Variants in BANK1 observed in about 807,000 individuals in gnomAD.
The protein encoded by BANK1 is B cell scaffold protein with ankyrin repeats 1.
In BANK1, 95 loss-of-function variants were observed where a neutral mutation model predicts 94.5. That is an observed-to-expected ratio of 1.00 (90% confidence interval 0.85 to 1.19). The LOEUF (loss-of-function observed/expected upper bound fraction) is 1.19. Ranked by LOEUF, BANK1 falls within the 50% of genes most tolerant of loss-of-function variation. The pLI is 0.00. For missense variants in BANK1, 987 were observed against 932.2 expected, an observed-to-expected ratio of 1.06 and a Z score of -0.77; for synonymous variants, 334 against 308.4, an observed-to-expected ratio of 1.08 and a Z score of -0.87.
chr4:101,975,548 C>T (rs1319610863), intron 7 of BANK1, among the ~76,000 whole-genome samples: 1 of 152,186 alleles, frequency 6.6e-6, no homozygotes, highest in Admixed American at 6.6e-5. Context: ...ACAGTTCTCT[C>T]TGTGTCTGTT....
chr4:101,952,946 C>T (rs571217738), intron 7 of BANK1, among the ~76,000 whole-genome samples: 26 of 152,024 alleles, frequency 1.7e-4, no homozygotes, highest in Non-Finnish European at 2.2e-4. Flanking sequence ...TAATAACCAA[C>T]GGAAAATAAC....
chr4:101,878,019 A>G (rs1214810998), intron 5 of BANK1, among the ~76,000 whole-genome samples: 1 of 152,204 alleles, frequency 6.6e-6, no homozygotes, highest in Non-Finnish European at 1.5e-5. Flanking sequence ...ACTAAAAGGA[A>G]GAGAGACAAA....
intron 1 of BANK1, among the ~76,000 whole-genome samples, chr4:101,824,445 C>T (rs1726287731): frequency 6.6e-6 from 1 of 152,182 alleles, no homozygotes; most frequent in African/African-American, 2.4e-5. Context: ...TAGCCACTTT[C>T]CCAGAGGAGA....
At chr4:101,912,637 T>G (rs1390743990) in intron 6 of BANK1, among the ~76,000 whole-genome samples, 1 of 148,260 alleles carries the variant, frequency 6.7e-6, no homozygotes, top group Admixed American at 6.8e-5. Context: ...TTAATAAATA[T>G]ATAAATAAAT....
Position 102,010,951 on chromosome 4 carries a change from G to A in BANK1, c.1207-10563G>A, listed in dbSNP as rs182662056. 2.3e-4 allele frequency among the ~76,000 whole-genome samples: 35 copies of A among 152,252 alleles called. No individual in the cohort carries two copies. The East Asian group carries it at 6.6e-3, about 29-fold the overall frequency. ...ATGATAAGAAACTAGATAACCCAGTGTTTCAATATTATGTTTATATGTGCA... is the reference window on the plus strand; with the variant it reads ...ATGATAAGAAACTAGATAACCCAGTATTTCAATATTATGTTTATATGTGCA... On this transcript the variant is annotated intron_variant, in intron 7 of 16. Coordinates refer to ENST00000322953, the MANE Select transcript of BANK1 (RefSeq NM_017935.5).
chr4:101,920,899 T>G (rs1165586840), intron 7 of BANK1, among the ~76,000 whole-genome samples: 1 of 151,654 alleles, frequency 6.6e-6, no homozygotes, highest in Non-Finnish European at 1.5e-5. Context: ...AGTGGCACCA[T>G]GTCTTATTGT....
At chr4:101,953,506 C>T (rs1326961105) in intron 7 of BANK1, among the ~76,000 whole-genome samples, 2 of 151,718 alleles carry the variant, frequency 1.3e-5, no homozygotes, top group Non-Finnish European at 2.9e-5. Flanking sequence ...AGACTTGCAA[C>T]ACTGTATCAT....
rs375725992 is a variant in BANK1 at position 101,925,017 on chromosome 4, T to A, written c.1206+6828T>A. ...AAAATTTTTCTGAGAATAATGACCC[T>A]TTTGATAAACCTTAGAGGGCACTTT... On this transcript the variant is annotated intron_variant, in intron 7 of 16. Coordinates refer to ENST00000322953, the MANE Select transcript of BANK1 (RefSeq NM_017935.5). 7.9e-5 allele frequency among the ~76,000 whole-genome samples: 12 copies of A among 151,826 alleles called. No individual in the cohort carries two copies. The East Asian group carries it at 1.6e-3, about 20-fold the overall frequency.
intron 7 of BANK1, among the ~76,000 whole-genome samples, chr4:101,955,281 T>C (rs7672770): frequency 2.0e-5 from 3 of 152,172 alleles, no homozygotes; most frequent in African/African-American, 7.2e-5. Flanking sequence ...ACTGGTGTAC[T>C]ACACATTCAA....
intron 1 of BANK1, among the ~76,000 whole-genome samples, chr4:101,797,510 T>C (rs1725198064): frequency 6.6e-6 from 1 of 152,174 alleles, no homozygotes; most frequent in Admixed American, 6.5e-5. Context: ...TAGTGAACAA[T>C]TAGGGGTTTG....
At chr4:102,027,276 A>G (rs912474447) in intron 9 of BANK1, among the ~76,000 whole-genome samples, 3 of 150,830 alleles carry the variant, frequency 2.0e-5, no homozygotes, top group Non-Finnish European at 4.4e-5. Flanking sequence ...TAATTTCTAT[A>G]TATGGTATGT....
At chr4:102,063,589 C>T (rs1047506157) in intron 13 of BANK1, among the ~76,000 whole-genome samples, 3 of 151,504 alleles carry the variant, frequency 2.0e-5, no homozygotes, top group Admixed American at 6.6e-5. Flanking sequence ...TTTGGGAGGC[C>T]GAGGCGGATG....
intron 2 of BANK1, among the ~76,000 whole-genome samples, chr4:101,845,260 TAAAA>T (rs1241574295): frequency 6.6e-6 from 1 of 152,014 alleles, no homozygotes. Context: ...ATTAAAAAAT[TAAAA>T]AAGATACTAC....
At chr4:101,816,025 T>G (rs537682733) in intron 1 of BANK1, among the ~76,000 whole-genome samples, 4 of 152,236 alleles carry the variant, frequency 2.6e-5, no homozygotes, top group Non-Finnish European at 5.9e-5. Flanking sequence ...TATGTGTTTG[T>G]GGAAAGTGCT....
chr4:101,859,104 C>G (rs537385811), intron 3 of BANK1, among the ~76,000 whole-genome samples: 4 of 152,306 alleles, frequency 2.6e-5, no homozygotes, highest in African/African-American at 9.6e-5. Context: ...GATACCAAAT[C>G]ACAAACTAGT....
At chr4:101,857,658 A>T (rs1469487561) in intron 3 of BANK1, among the ~76,000 whole-genome samples, 2 of 152,166 alleles carry the variant, frequency 1.3e-5, no homozygotes, top group East Asian at 3.9e-4. Flanking sequence ...GACCTTGAAA[A>T]TTATGTGCCA....
At chr4:101,957,613 A>G (rs554297040) in intron 7 of BANK1, among the ~76,000 whole-genome samples, 6 of 152,306 alleles carry the variant, frequency 3.9e-5, no homozygotes, top group Non-Finnish European at 7.3e-5. Context: ...CACTTTTTGA[A>G]TATTTCCAAA....
chr4:101,954,417 A>C (rs1724270219), intron 7 of BANK1, among the ~76,000 whole-genome samples: 1 of 152,280 alleles, frequency 6.6e-6, no homozygotes, highest in Admixed American at 6.5e-5. Flanking sequence ...TCATTTGTGG[A>C]GTCCTGCTCT....
At chr4:101,807,075 T>C (rs1725578575) in intron 1 of BANK1, among the ~76,000 whole-genome samples, 1 of 152,214 alleles carries the variant, frequency 6.6e-6, no homozygotes, top group African/African-American at 2.4e-5. Flanking sequence ...TACTGATGCA[T>C]AACTGCTGTT....
Sources: gnomAD v4.1 joint callset for allele counts (sites outside exome capture counted in the v4.1 genomes callset) on GRCh38, gnomAD v4.1.1 for gene constraint, MANE v1.5 for transcripts, NCBI Gene and HGNC (gene_info 2026-07-23, HGNC 2026-07-21) for gene names.